The following PYGB variants were observed in gnomAD, a reference collection of about 807,000 sequenced individuals.
The protein encoded by PYGB is glycogen phosphorylase B, also known as glycogen phosphorylase, brain form.
Under a neutral mutation model 94.3 loss-of-function variants are expected in PYGB, and 82 were observed. The ratio of observed to expected loss-of-function variants is 0.87; its 90% confidence interval spans 0.73 to 1.04. PYGB has a LOEUF of 1.04. PYGB is among the 50% of genes least tolerant of loss of function. PYGB has a pLI of 0.00. For synonymous variants in PYGB, 488 were observed against 479.1 expected (o/e 1.02, Z -0.24); for missense variants, 1,132 against 1,158.2 (o/e 0.98, Z 0.33).
Position 25,248,085 on chromosome 20 carries a change from A to G in PYGB, c.-94A>G, listed in dbSNP as rs2092875420. The G allele has an allele frequency of 8.0e-7, 1 of 1,257,740 alleles. No homozygotes were observed. Among genetic ancestry groups the G allele is most frequent in the Non-Finnish European group, 1.0e-6 (1 of 994,442 alleles). The allele number at this position is 1,257,740 out of a possible 1,614,324, so 77.9% of individuals were successfully genotyped here. On this transcript the variant is annotated 5_prime_UTR_variant, in exon 1 of 20. Coordinates refer to ENST00000216962, the MANE Select transcript of PYGB (RefSeq NM_002862.4). Reference sequence around the variant, plus strand: ...CCGCAGAGCCGCAGTGCCGGGCGCCAGAGCAGCGGCGCCAGAGCAGCTGCA... The same window carrying G: ...CCGCAGAGCCGCAGTGCCGGGCGCCGGAGCAGCGGCGCCAGAGCAGCTGCA...
intron 18 of PYGB, chr20:25,294,896 T>TTTCAGCTG: frequency 6.5e-7 from 1 of 1,538,132 alleles, no homozygotes; most frequent in South Asian, 1.1e-5. Flanking sequence ...TCACCTGCCC[T>TTTCAGCTG]CCACTTTCAG....
In PYGB at chr20:25,248,325, C is replaced by T. The variant is rs371811234; in HGVS notation, c.147C>T (p.Pro49=). The T allele has an allele frequency of 2.5e-6, 4 of 1,604,136 alleles. No homozygotes were observed. The highest frequency in any genetic ancestry group is 1.1e-5 in the South Asian group (1 of 89,548). ...TCAAGGACCGCAATGTGGCCACGCC[C>T]CGCGACTACTTCTTCGCGCTGGCGC... ...TLVKDRNVAT[P]RDYFFALAHT... is the part of the protein sequence containing the mutation. The change falls in exon 1 of 20, where the codon CCC becomes CCT. Residue 49 remains proline, a synonymous_variant. Transcript: ENST00000216962.
rs201049849 is a variant in PYGB at position 25,248,126 on chromosome 20, C to G, written c.-53C>G. The G allele has an allele frequency of 1.3e-6, 2 of 1,503,080 alleles. No homozygotes were observed. The highest frequency in any genetic ancestry group is 1.8e-6 in the Non-Finnish European group (2 of 1,129,320). 93.1% of individuals were successfully genotyped at this position (1,503,080 alleles called of 1,614,324 possible). A position where few individuals can be genotyped will look rare whatever the true frequency, so the allele number is the denominator to read the frequency against. Reference sequence around the variant, plus strand: ...AGCAGCTGCACCATCCCGGCGTTCGCGTGTGCCGCCGCTTTCCTCCTCCAT... The same window carrying G: ...AGCAGCTGCACCATCCCGGCGTTCGGGTGTGCCGCCGCTTTCCTCCTCCAT... On this transcript the variant is annotated 5_prime_UTR_variant, in exon 1 of 20. Coordinates refer to ENST00000216962, the MANE Select transcript of PYGB (RefSeq NM_002862.4).
intron 1 of PYGB, chr20:25,250,875 A>G (rs1326266917): frequency 6.6e-6 from 1 of 152,220 alleles, no homozygotes; most frequent in Non-Finnish European, 1.5e-5. Context: ...AGCCAGAAGG[A>G]AAAAAATTAA....
At chr20:25,255,590 C>G (rs1287491575) in intron 1 of PYGB, among the ~76,000 whole-genome samples, 1 of 152,216 alleles carries the variant, frequency 6.6e-6, no homozygotes. Context: ...TAGAGGGCGG[C>G]TGGTCTGAGG....
chr20:25,282,569 C>T (rs954744705), intron 12 of PYGB, among the ~76,000 whole-genome samples: 5 of 152,246 alleles, frequency 3.3e-5, no homozygotes, highest in African/African-American at 4.8e-5. Flanking sequence ...AGGGTGGGAC[C>T]GCCCACCTGG....
At chr20:25,279,245 C>A (rs1211561214) in intron 9 of PYGB, 96 bp downstream of exon 9, 1 of 1,286,564 alleles carries the variant, frequency 7.8e-7, no homozygotes, top group Non-Finnish European at 1.1e-6. Flanking sequence ...CTTCCCTGGC[C>A]TTGGGAGAGC....
In PYGB at chr20:25,290,474, C is replaced by T. The variant is rs1188848655; in HGVS notation, c.1828-7C>T. The T allele has an allele frequency of 6.2e-7, 1 of 1,601,816 alleles. No individual in the cohort carries two copies. The highest frequency in any genetic ancestry group is 2.2e-5 in the East Asian group (1 of 44,480). ...TTGTGCTAAAAACCTTCACCCTCTC[C>T]TTCCAGGCAGCGCCCGGTTACCACA... On this transcript the variant is annotated splice_region_variant and splice_polypyrimidine_tract_variant and intron_variant, in intron 15 of 19. Coordinates refer to ENST00000216962, the MANE Select transcript of PYGB (RefSeq NM_002862.4).
intron 18 of PYGB, chr20:25,295,028 G>A (rs372701114): frequency 3.1e-6 from 5 of 1,614,098 alleles, no homozygotes; most frequent in African/African-American, 1.3e-5. Flanking sequence ...GCCCTGCTGA[G>A]GTCTGTGATA....
intron 12 of PYGB, among the ~76,000 whole-genome samples, chr20:25,282,905 C>T (rs1463966256): frequency 6.6e-6 from 1 of 152,098 alleles, no homozygotes; most frequent in Admixed American, 6.5e-5. Flanking sequence ...GTCAGAGAAC[C>T]CTGGGATCGG....
intron 1 of PYGB, among the ~76,000 whole-genome samples, chr20:25,249,249 C>T (rs918780095): frequency 1.3e-5 from 2 of 152,160 alleles, no homozygotes; most frequent in African/African-American, 4.8e-5. Context: ...TTTAGATTTT[C>T]TGTTTCATTC....
rs777454522 is a variant in PYGB, at chr20:25,278,360, C to A, written c.897C>A (p.Phe299Leu). ...GKELRLKQEY[F>L]VVAATLQDII... ...AGCTGCGGCTGAAGCAGGAGTACTTCGTGGTGGCCGCCACGCTCCAGGACA... is the reference window on the plus strand; with the variant it reads ...AGCTGCGGCTGAAGCAGGAGTACTTAGTGGTGGCCGCCACGCTCCAGGACA... The change falls in exon 8 of 20, where the codon TTC (phenylalanine) becomes TTA (leucine). Residue 299 changes from phenylalanine to leucine, a missense_variant. By Grantham distance (22) the Phe-to-Leu change is conservative. Coordinates refer to ENST00000216962, the MANE Select transcript of PYGB (RefSeq NM_002862.4). 1.2e-6 allele frequency: 2 copies of A among 1,611,242 alleles called. No individual in the cohort carries two copies. Among genetic ancestry groups the A allele is most frequent in the Admixed American group, 1.7e-5 (1 of 59,822 alleles).
intron 17 of PYGB, 68 bp from the exon 18 acceptor site, chr20:25,294,090 C>T (rs1200526080): frequency 1.3e-6 from 2 of 1,582,146 alleles, no homozygotes; most frequent in Non-Finnish European, 1.7e-6. Context: ...CAGGCACCAA[C>T]ATGGCTTGTT....
chr20:25,280,339 C>T lies in PYGB; in HGVS notation c.1166C>T (p.Pro389Leu). The T allele has an allele frequency of 6.2e-7, 1 of 1,614,104 alleles. No individual in the cohort carries two copies. Among genetic ancestry groups the T allele is most frequent in the East Asian group, 2.2e-5 (1 of 44,878 alleles). The change falls in exon 10 of 20, where the codon CCC (proline) becomes CTC (leucine). Residue 389 changes from proline (P) to leucine (L), a missense_variant. Coordinates refer to ENST00000216962, the MANE Select transcript of PYGB (RefSeq NM_002862.4). ...TVLPEALERW[P>L]VSMFEKLLPR... is the part of the protein sequence containing the mutation. The stretch of plus-strand genomic sequence containing the variant: ...CTGCCTGAGGCCTTGGAGCGCTGGC[C>T]CGTGTCCATGTTTGAGAAGCTGCTG...
In PYGB at chr20:25,295,404, A is replaced by G. The variant is rs370112066; in HGVS notation, c.2313-200A>G. On this transcript the variant is annotated intron_variant, in intron 18 of 19. Transcript: ENST00000216962. ...TTTTTCTAAAATATTGTCCCAGGAC[A>G]TAAGTGTTGCTCACAGAGAAGCCCT... is the stretch of plus-strand genomic sequence containing the variant. Among the ~76,000 whole-genome samples the G allele has an allele frequency of 8.5e-5, 13 of 152,390 alleles. No homozygotes were observed. The East Asian group carries it at 1.4e-3, about 16-fold the overall frequency.
chr20:25,278,572 C>A, intron 8 of PYGB, 110 bp downstream of exon 8: 1 of 1,412,256 alleles, frequency 7.1e-7, no homozygotes, highest in East Asian at 2.4e-5. Context: ...GGTACATGCC[C>A]CTTGTCTTGG....
At chr20:25,292,352 G>A (rs1405379072) in intron 16 of PYGB, 54 bp from the exon 17 acceptor site, 28 of 1,582,298 alleles carry the variant, frequency 1.8e-5, no homozygotes, top group Non-Finnish European at 2.2e-5. Flanking sequence ...GAGCCTTGCG[G>A]CTGAGGACAT....
intron 1 of PYGB, 36 bp downstream of exon 1, chr20:25,248,457 C>T: frequency 7.5e-7 from 1 of 1,330,768 alleles, no homozygotes; most frequent in East Asian, 3.1e-5. Flanking sequence ...CCCGTGCCCG[C>T]TGAGAGGGCG....
In PYGB at chr20:25,295,568, T is replaced by G. The variant is rs1468011705; in HGVS notation, c.2313-36T>G. On this transcript the variant is annotated intron_variant, in intron 18 of 19. Coordinates refer to ENST00000216962, the MANE Select transcript of PYGB (RefSeq NM_002862.4). The stretch of plus-strand genomic sequence containing the variant: ...TCGGGACAGTGTGGGCAGGGCTCCC[T>G]GCTGCCCTGGCCCAGCCTCCTTTCT... The G allele has an allele frequency of 1.9e-6, 3 of 1,592,966 alleles. No homozygotes were observed. The Admixed American group carries it at 5.0e-5, about 27-fold the overall frequency.
Sources: allele counts gnomAD v4.1 joint callset (sites outside exome capture counted in the v4.1 genomes callset), GRCh38; gene constraint gnomAD v4.1.1; transcripts MANE v1.5; gene names NCBI Gene and HGNC (gene_info 2026-07-23, HGNC 2026-07-21).